MRPS5: variants seen among roughly 807,000 people sequenced by gnomAD.
The protein encoded by MRPS5 is small ribosomal subunit protein uS5m.
Under a neutral mutation model 51.9 loss-of-function variants are expected in MRPS5, and 27 were observed. That is an observed-to-expected ratio of 0.52 (90% CI 0.38 to 0.72). The LOEUF (loss-of-function observed/expected upper bound fraction) is 0.72, where lower values mean the gene tolerates loss of function less well. Among genes scored for constraint, MRPS5 ranks in the 30% least tolerant of loss-of-function variants. The pLI, the probability that MRPS5 is intolerant of heterozygous loss-of-function variation, is 0.00. For missense variants in MRPS5, 570 were observed against 545.7 expected (o/e 1.04, Z -0.44); for synonymous variants, 196 against 193.2 (o/e 1.01, Z -0.12).
At chr2:95,112,371 T>G (rs867338249) in intron 3 of MRPS5, among the ~76,000 whole-genome samples, 4 of 151,852 alleles carry the variant, frequency 2.6e-5, no homozygotes, top group Non-Finnish European at 5.9e-5. Context: ...CGGCCTCATG[T>G]TATATATATA....
chr2:95,109,177 T>C (rs1178453902), intron 4 of MRPS5, among the ~76,000 whole-genome samples: 1 of 152,072 alleles, frequency 6.6e-6, no homozygotes, highest in Non-Finnish European at 1.5e-5. Context: ...TACATGATTC[T>C]TATAATTTAA....
chr2:95,121,605 GGGGGCAC>G (rs1676453530), intron 1 of MRPS5, 122 bp downstream of exon 1: 9 of 1,018,898 alleles, frequency 8.8e-6, no homozygotes, highest in Non-Finnish European at 1.2e-5. Context: ...GGCGGAAGGT[GGGGGCAC>G]GGCGTGAAGA....
At chr2:95,104,916 T>G (rs1212309152) in intron 6 of MRPS5, among the ~76,000 whole-genome samples, 186 bp from the exon 7 acceptor site, 2 of 152,114 alleles carry the variant, frequency 1.3e-5, no homozygotes, top group Non-Finnish European at 2.9e-5. Context: ...CTGGACTGTT[T>G]CAGGGAGAAA....
rs1327833505 is a variant in MRPS5 at position 95,108,392 on chromosome 2, T to C, written c.420A>G (p.Leu140=). 1.5e-5 allele frequency: 25 copies of C among 1,613,796 alleles called. No individual in the cohort carries two copies. The highest frequency in any genetic ancestry group is 6.7e-5 in the African/African-American group (5 of 74,932). Residue 140 remains leucine (L), a synonymous_variant, in exon 5 of 12, where the codon CTA becomes CTG. Transcript: ENST00000272418. ...QIIGEGRYGF[L]WPGLNVPLMK... ...TAAGAGGGACATTCAGTCCGGGCCA[T>C]AGAAAACCATAACGCCCTGAAGGTT...
At chr2:95,109,776 T>A in intron 4 of MRPS5, 140 bp downstream of exon 4, 3 of 939,524 alleles carry the variant, frequency 3.2e-6, no homozygotes, top group Non-Finnish European at 4.6e-6. Flanking sequence ...AATGAGTAAG[T>A]CAACTGGTTG....
At position 95,121,718 on chromosome 2, in the gene MRPS5, G is replaced by A; in HGVS notation, c.58+16C>T. 6.5e-7 allele frequency: 1 copy of A among 1,534,434 alleles called. No homozygotes were observed. The highest frequency in any genetic ancestry group is 1.9e-5 in the Admixed American group (1 of 51,828). On this transcript the variant is annotated intron_variant, in intron 1 of 11. Coordinates refer to ENST00000272418, the MANE Select transcript of MRPS5 (RefSeq NM_031902.5). ...GGCCCGCTCAGAGCCCCTGCTCCCG[G>A]CGTCCCAGCTCTCACCTGCCGTCCC...
chr2:95,120,455 G>C (rs1197289481), intron 1 of MRPS5, among the ~76,000 whole-genome samples: 2 of 152,220 alleles, frequency 1.3e-5, no homozygotes, highest in Admixed American at 1.3e-4. Context: ...GGGAAGCTGG[G>C]AAGTGACAGC....
Position 95,106,464 on chromosome 2 carries a change from G to A in MRPS5, c.638-7C>T, listed in dbSNP as rs200920483. On this transcript the variant is annotated splice_region_variant and splice_polypyrimidine_tract_variant and intron_variant, in intron 5 of 11. Coordinates refer to ENST00000272418, the MANE Select transcript of MRPS5 (RefSeq NM_031902.5). ...TCAAAATCCTCATATGTTTCTGTAGGGAGAAAAGAAACAGGGATACAGATG... is the reference window on the plus strand; with the variant it reads ...TCAAAATCCTCATATGTTTCTGTAGAGAGAAAAGAAACAGGGATACAGATG... 1.7e-5 allele frequency: 28 copies of A among 1,609,610 alleles called. No individual in the cohort carries two copies. Among genetic ancestry groups the A allele is most frequent in the Non-Finnish European group, 2.3e-5 (27 of 1,176,292 alleles).
chr2:95,121,117 A>AAAAAAC (rs200145683), intron 1 of MRPS5, among the ~76,000 whole-genome samples: 1 of 152,296 alleles, frequency 6.6e-6, no homozygotes, highest in East Asian at 1.9e-4. Flanking sequence ...GACTGTCTCA[A>AAAAAAC]AAAAACAAAA....
chr2:95,100,208 C>T (rs1165137208), intron 10 of MRPS5, among the ~76,000 whole-genome samples: 2 of 152,212 alleles, frequency 1.3e-5, no homozygotes, highest in Non-Finnish European at 1.5e-5. Context: ...AACCCTACTA[C>T]TCACTCAGGT....
At chr2:95,094,911 CCCCAAT>C (rs1405879419) in intron 10 of MRPS5, among the ~76,000 whole-genome samples, 1 of 152,126 alleles carries the variant, frequency 6.6e-6, no homozygotes, top group Non-Finnish European at 1.5e-5. Flanking sequence ...GGGCTAAATG[CCCCAAT>C]TAAAAGACAT....
chr2:95,120,843 C>T (rs1676422197), intron 1 of MRPS5, among the ~76,000 whole-genome samples: 3 of 152,142 alleles, frequency 2.0e-5, no homozygotes, highest in Admixed American at 1.3e-4. Flanking sequence ...AGGAGACGGC[C>T]GGGCGTGGTG....
At position 95,101,722 on chromosome 2, in the gene MRPS5, A is replaced by G. The variant is rs1675809772; in HGVS notation, c.765T>C (p.Gly255=). Residue 255 remains glycine, a splice_region_variant and synonymous_variant, in exon 8 of 12, where the codon GGT becomes GGC. Transcript: ENST00000272418. ...VAVGNGKGAA[G]FSIGKATDRM... is the part of the protein sequence containing the mutation. ...GATCAGTAGCTTTCCCAATAGAAAA[A>G]CCTTTAAACAAAAAAGCAAAAATAA... 1 of 1,594,724 alleles carries G rather than the reference A, an allele frequency of 6.3e-7. No individual in the cohort carries two copies. Among genetic ancestry groups the G allele is most frequent in the African/African-American group, 1.4e-5 (1 of 73,460 alleles).
chr2:95,118,351 T>G (rs1401953618), intron 1 of MRPS5, among the ~76,000 whole-genome samples: 1 of 152,252 alleles, frequency 6.6e-6, no homozygotes, highest in East Asian at 1.9e-4. Context: ...TCTGATAGAT[T>G]ATTCTCTGAC....
chr2:95,118,346 T>G (rs777517273), intron 1 of MRPS5, among the ~76,000 whole-genome samples: 7 of 152,264 alleles, frequency 4.6e-5, no homozygotes, highest in Non-Finnish European at 1.5e-5. Flanking sequence ...ACAGCTCTGA[T>G]AGATTATTCT....
chr2:95,121,302 A>G (rs1468155562), intron 1 of MRPS5, among the ~76,000 whole-genome samples: 1 of 152,174 alleles, frequency 6.6e-6, no homozygotes, highest in Non-Finnish European at 1.5e-5. Context: ...TGGATTGTGG[A>G]CTTCCAGTAA....
intron 1 of MRPS5, among the ~76,000 whole-genome samples, chr2:95,118,643 T>A (rs1676357832): frequency 6.6e-6 from 1 of 152,262 alleles, no homozygotes; most frequent in Non-Finnish European, 1.5e-5. Context: ...CCACGCTGAC[T>A]GTACTGTGTA....
chr2:95,102,527 T>C (rs1411583314), intron 7 of MRPS5, among the ~76,000 whole-genome samples: 2 of 152,070 alleles, frequency 1.3e-5, no homozygotes, highest in Admixed American at 6.6e-5. Flanking sequence ...CCAGGCATAG[T>C]GGTAGGTGCC....
chr2:95,121,603 GT>G (rs1676452891), intron 1 of MRPS5, 130 bp downstream of exon 1: 10 of 1,005,584 alleles, frequency 9.9e-6, no homozygotes, highest in Non-Finnish European at 1.4e-5. Flanking sequence ...CCGGCGGAAG[GT>G]GGGGGCACGG....
Sources: allele counts gnomAD v4.1 joint callset (sites outside exome capture counted in the v4.1 genomes callset), GRCh38; gene constraint gnomAD v4.1.1; transcripts MANE v1.5; gene names NCBI Gene and HGNC (gene_info 2026-07-23, HGNC 2026-07-21).